Variants in PRKDC observed in about 807,000 individuals in gnomAD.
The protein encoded by PRKDC is DNA-dependent protein kinase catalytic subunit.
Under a neutral mutation model 486.9 loss-of-function variants are expected in PRKDC, and 82 were observed. The ratio of observed to expected loss-of-function variants is 0.17; its 90% CI spans 0.14 to 0.20. PRKDC has a LOEUF of 0.20. PRKDC is among the 10% of genes least tolerant of loss of function. The pLI is 1.00. For synonymous variants in PRKDC, 1,895 were observed against 1,837.0 expected (o/e 1.03, Z -0.81); for missense variants, 4,504 against 5,038.2 (o/e 0.89, Z 3.21).
chr8:47,823,716 A>G, intron 64 of PRKDC, 142 bp downstream of exon 64: 1 of 964,580 alleles, frequency 1.0e-6, no homozygotes, highest in South Asian at 1.7e-5. Flanking sequence ...TAAGGAAACC[A>G]ATTTTCTTCC....
chr8:47,928,539 T>TTTTA (rs1400003336), intron 19 of PRKDC, among the ~76,000 whole-genome samples: 26 of 151,646 alleles, frequency 1.7e-4, no homozygotes, highest in East Asian at 9.7e-4. Context: ...ACATTTTTAT[T>TTTTA]TTTATTTATT....
At chr8:47,823,505 T>C (rs2087654370) in intron 64 of PRKDC, among the ~76,000 whole-genome samples, 1 of 151,896 alleles carries the variant, frequency 6.6e-6, no homozygotes, top group Non-Finnish European at 1.5e-5. Flanking sequence ...CGTGAACCAA[T>C]TAAACCTCTT....
intron 46 of PRKDC, 73 bp from the exon 47 acceptor site, chr8:47,859,059 G>C (rs887666940): frequency 4.3e-5 from 67 of 1,542,414 alleles, no homozygotes; most frequent in Non-Finnish European, 5.9e-5. Flanking sequence ...GATGTGGGAG[G>C]CTCTTTCTGG....
At position 47,801,208 on chromosome 8, in the gene PRKDC, A is replaced by C. The variant is rs575129291; in HGVS notation, c.9923-222T>G. 7.2e-5 allele frequency among the ~76,000 whole-genome samples: 11 copies of C among 152,106 alleles called. No homozygotes were observed. The South Asian group carries it at 2.1e-3, about 29-fold the overall frequency. The stretch of plus-strand genomic sequence containing the variant: ...CACCTCAACCTCCCAATTAGCTGGG[A>C]CTACAGGCTTGCACCACCATGCCCG... On this transcript the variant is annotated intron_variant, in intron 70 of 85. Transcript: ENST00000314191.
chr8:47,850,386 C>T (rs923270756), intron 52 of PRKDC, among the ~76,000 whole-genome samples: 3 of 152,136 alleles, frequency 2.0e-5, no homozygotes, highest in South Asian at 2.1e-4. Context: ...CTCAACAAAA[C>T]GTTCACTGGA....
intron 55 of PRKDC, 41 bp from the exon 56 acceptor site, chr8:47,839,287 T>C (rs1168787353): frequency 1.5e-5 from 21 of 1,407,858 alleles, no homozygotes; most frequent in Non-Finnish European, 2.0e-5. Context: ...ATTAATGCTC[T>C]CTTCTGGCCC....
intron 62 of PRKDC, among the ~76,000 whole-genome samples, 169 bp from the exon 63 acceptor site, chr8:47,827,030 G>A (rs1163311734): frequency 6.6e-6 from 1 of 151,692 alleles, no homozygotes; most frequent in Non-Finnish European, 1.5e-5. Context: ...TATTCAATTT[G>A]CTCAAAGGAG....
Position 47,854,180 on chromosome 8 carries a change from T to G in PRKDC, c.6796A>C (p.Asn2266His). The G allele has an allele frequency of 6.2e-7, 1 of 1,613,642 alleles. No homozygotes were observed. The highest frequency in any genetic ancestry group is 8.5e-7 in the Non-Finnish European group (1 of 1,179,548). Residue 2266 changes from asparagine (N) to histidine (H), a missense_variant, in exon 51 of 86, where the codon AAT becomes CAT. Transcript: ENST00000314191. The stretch of plus-strand genomic sequence containing the variant: ...ATCCCTACTGAGTTGTCTTTAGAAT[T>G]AGGATCTTTACCGGAAAACTTTTCA... ...IFEKFSGKDP[N>H]SKDNSVGIQL...
At chr8:47,915,115 C>G (rs989172552) in intron 23 of PRKDC, among the ~76,000 whole-genome samples, 1 of 152,174 alleles carries the variant, frequency 6.6e-6, no homozygotes, top group African/African-American at 2.4e-5. Context: ...CTTAACAAGT[C>G]AAGCTAGAAC....
intron 43 of PRKDC, 81 bp from the exon 44 acceptor site, chr8:47,862,208 G>T: frequency 7.2e-7 from 1 of 1,391,186 alleles, no homozygotes; most frequent in Non-Finnish European, 9.8e-7. Flanking sequence ...TTAATGCTAT[G>T]TAATAGCTCA....
intron 68 of PRKDC, among the ~76,000 whole-genome samples, chr8:47,809,124 G>A (rs1012034954): frequency 6.7e-6 from 1 of 148,224 alleles, no homozygotes; most frequent in African/African-American, 2.5e-5. Context: ...AGAGGGGAAG[G>A]GAGGGTATGG....
intron 15 of PRKDC, 61 bp from the exon 16 acceptor site, chr8:47,933,233 T>C (rs2090287968): frequency 7.5e-7 from 1 of 1,328,212 alleles, no homozygotes; most frequent in East Asian, 2.7e-5. Context: ...TAGTATTTTA[T>C]AAGCATTAAG....
intron 7 of PRKDC, among the ~76,000 whole-genome samples, chr8:47,945,661 C>T (rs773163163): frequency 1.3e-5 from 2 of 152,194 alleles, no homozygotes; most frequent in African/African-American, 4.8e-5. Flanking sequence ...TGGATGAACA[C>T]TTGGGTGGTT....
At chr8:47,952,316 T>C (rs993417629) in intron 7 of PRKDC, among the ~76,000 whole-genome samples, 4 of 152,100 alleles carry the variant, frequency 2.6e-5, no homozygotes, top group Middle Eastern at 3.2e-3. Flanking sequence ...CATATCAGGA[T>C]ATGGACAAAC....
intron 46 of PRKDC, 123 bp downstream of exon 46, chr8:47,859,488 C>T: frequency 8.6e-7 from 1 of 1,165,492 alleles, no homozygotes; most frequent in Non-Finnish European, 1.2e-6. Context: ...CAAATTAACT[C>T]TATACTCCGA....
At chr8:47,842,889 C>T (rs762920989) in intron 54 of PRKDC, among the ~76,000 whole-genome samples, 1 of 152,170 alleles carries the variant, frequency 6.6e-6, no homozygotes, top group African/African-American at 2.4e-5. Context: ...ACAAGCCAGG[C>T]GTGGTGGATC....
At chr8:47,783,368 TCATGAGG>T (rs1474822743) in intron 78 of PRKDC, among the ~76,000 whole-genome samples, 1 of 148,204 alleles carries the variant, frequency 6.7e-6, no homozygotes, top group Non-Finnish European at 1.5e-5. Flanking sequence ...GGTGGATGGA[TCATGAGG>T]TCAGGAGTTC....
At chr8:47,813,283 A>G (rs1346210609) in intron 68 of PRKDC, among the ~76,000 whole-genome samples, 1 of 151,810 alleles carries the variant, frequency 6.6e-6, no homozygotes, top group Non-Finnish European at 1.5e-5. Context: ...ACATTCAGCT[A>G]ATTTTTGTAT....
At chr8:47,884,917 C>T (rs2089295209) in intron 36 of PRKDC, among the ~76,000 whole-genome samples, 1 of 152,196 alleles carries the variant, frequency 6.6e-6, no homozygotes, top group Non-Finnish European at 1.5e-5. Context: ...ATCGAGGCCA[C>T]AAGAGAACTC....
Sources: gnomAD v4.1 joint callset for allele counts (sites outside exome capture counted in the v4.1 genomes callset) on GRCh38, gnomAD v4.1.1 for gene constraint, MANE v1.5 for transcripts, NCBI Gene and HGNC (gene_info 2026-07-23, HGNC 2026-07-21) for gene names.